The following OR10J1 variants were observed in gnomAD, a reference collection of about 807,000 sequenced individuals.
The protein encoded by OR10J1 is olfactory receptor 10J1.
For synonymous variants in OR10J1, 202 were observed against 143.8 expected, an observed-to-expected ratio of 1.40 and a Z score of -2.89; for missense variants, 474 against 376.6, an observed-to-expected ratio of 1.26 and a Z score of -2.14.
chr1:159,433,448 C>G (rs1157436409), upstream of OR10J1, among the ~76,000 whole-genome samples: 1 of 152,058 alleles, frequency 6.6e-6, no homozygotes, highest in Non-Finnish European at 1.5e-5. Context: ...GTATTGTAAA[C>G]CAGCAGGGAG....
In OR10J1 at chr1:159,440,115, C is replaced by T. The variant is rs747151990; in HGVS notation, c.324C>T (p.Gly108=). The T allele has an allele frequency of 1.9e-6, 3 of 1,614,146 alleles. No homozygotes were observed. In the South Asian group the frequency reaches 3.3e-5, roughly 18 times the overall value. ...AGATGTTCTTTTTTGTAACCTTTGG[C>T]ATCACTAACTGCTTCCTGCTCACAG... is the stretch of plus-strand genomic sequence containing the variant. ...ATQMFFFVTF[G]ITNCFLLTAM... Residue 108 remains glycine, a synonymous_variant, in exon 1 of 1, where the codon GGC becomes GGT. Transcript: ENST00000423932.
chr1:159,422,914 T>A, the OR10J1 span, among the ~76,000 whole-genome samples: 1 of 152,144 alleles, frequency 6.6e-6, no homozygotes, highest in Admixed American at 6.5e-5. Context: ...CTACATTGCT[T>A]CCCTCTCTTT....
the OR10J1 span, among the ~76,000 whole-genome samples, chr1:159,426,680 C>T: frequency 0.067 from 10,111 of 151,704 alleles, 728 homozygotes; most frequent in East Asian, 0.42. Context: ...ATCTAAAGCT[C>T]AAACCTTCAT....
the OR10J1 span, among the ~76,000 whole-genome samples, chr1:159,408,494 T>C: frequency 6.7e-6 from 1 of 150,070 alleles, no homozygotes. Flanking sequence ...AGGGATAGCA[T>C]TGGGAGATAT....
the OR10J1 span, among the ~76,000 whole-genome samples, chr1:159,423,060 A>T: frequency 6.6e-6 from 1 of 152,182 alleles, no homozygotes; most frequent in Admixed American, 6.5e-5. Context: ...CTAGTCAGCC[A>T]TCTTGAAGCC....
the OR10J1 span, among the ~76,000 whole-genome samples, chr1:159,400,634 A>T: frequency 6.6e-6 from 1 of 151,474 alleles, no homozygotes; most frequent in South Asian, 2.1e-4. Flanking sequence ...ATACTATTAG[A>T]GCTAAAGAAA....
chr1:159,417,867 A>G, the OR10J1 span, among the ~76,000 whole-genome samples: 7 of 152,214 alleles, frequency 4.6e-5, no homozygotes, highest in African/African-American at 1.7e-4. Context: ...GATATGGACA[A>G]TGAAATCCAG....
Position 159,440,155 on chromosome 1 carries a change from C to T in OR10J1, c.364C>T (p.Arg122Cys), listed in dbSNP as rs750870453. The change falls in exon 1 of 1, where the codon CGC (arginine) becomes TGC (cysteine). Residue 122 changes from arginine to cysteine, a missense_variant. Physicochemically the swap from Arg to Cys is radical, Grantham distance 180. Coordinates refer to ENST00000423932, the MANE Select transcript of OR10J1 (RefSeq NM_012351.3). ...CFLLTAMGYD[R>C]YVAICNPLRY... ...CCTGCTCACAGCAATGGGATATGACCGCTATGTGGCCATCTGCAACCCCCT... is the reference window on the plus strand; with the variant it reads ...CCTGCTCACAGCAATGGGATATGACTGCTATGTGGCCATCTGCAACCCCCT... 80 of 1,614,106 alleles carry T rather than the reference C, an allele frequency of 5.0e-5. No individual in the cohort carries two copies. The highest frequency in any genetic ancestry group is 2.5e-4 in the East Asian group (11 of 44,878).
At chr1:159,420,557 A>T in the OR10J1 span, among the ~76,000 whole-genome samples, 5 of 151,846 alleles carry the variant, frequency 3.3e-5, 1 homozygote, top group Non-Finnish European at 7.4e-5. Flanking sequence ...CAGGCATAGG[A>T]CTCCCATAGG....
chr1:159,440,684 A>G lies in OR10J1; in HGVS notation c.893A>G (p.Asp298Gly). ...VYTLRNKEVK[D>G]ALCRAVGGKF... The stretch of plus-strand genomic sequence containing the variant: ...ACCCTGAGAAATAAAGAGGTCAAAG[A>G]TGCTCTGTGCAGGGCTGTTGGTGGG... The change falls in exon 1 of 1, where the codon GAT becomes GGT. Residue 298 changes from aspartate to glycine, a missense_variant. Physicochemically the swap from Asp to Gly is moderately conservative, Grantham distance 94. Transcript: ENST00000423932. The G allele has an allele frequency of 6.2e-7, 1 of 1,613,978 alleles. No homozygotes were observed. Among genetic ancestry groups the G allele is most frequent in the Non-Finnish European group, 8.5e-7 (1 of 1,179,950 alleles).
chr1:159,430,672 C>CGCGT, the OR10J1 span, among the ~76,000 whole-genome samples: 4 of 15,814 alleles, frequency 2.5e-4, no homozygotes, highest in Admixed American at 3.1e-3. Context: ...TGTGTGTGCG[C>CGCGT]GCGCGCACAT....
At chr1:159,406,705 C>A in the OR10J1 span, among the ~76,000 whole-genome samples, 18 of 152,116 alleles carry the variant, frequency 1.2e-4, no homozygotes, top group Admixed American at 1.0e-3. Context: ...GTTGAATGGG[C>A]CAGGCACTTC....
chr1:159,437,193 T>C (rs116564481), upstream of OR10J1, among the ~76,000 whole-genome samples: 9 of 152,270 alleles, frequency 5.9e-5, no homozygotes, highest in Admixed American at 3.9e-4. Flanking sequence ...AAGAGAACAG[T>C]GTTCAAAAGC....
chr1:159,421,395 A>T, the OR10J1 span, among the ~76,000 whole-genome samples: 3 of 151,954 alleles, frequency 2.0e-5, no homozygotes, highest in African/African-American at 7.3e-5. Context: ...GGGATTTGGC[A>T]AATTTCTTTT....
chr1:159,409,737 G>A, the OR10J1 span, among the ~76,000 whole-genome samples: 6 of 152,060 alleles, frequency 3.9e-5, no homozygotes, highest in East Asian at 1.2e-3. Flanking sequence ...AAATTATATT[G>A]AATAGGAGTG....
chr1:159,436,727 C>CT (rs1159264461), upstream of OR10J1, among the ~76,000 whole-genome samples: 1 of 151,522 alleles, frequency 6.6e-6, no homozygotes, highest in Non-Finnish European at 1.5e-5. Flanking sequence ...ACTTTAGAGT[C>CT]TAAGAACAGG....
At chr1:159,411,633 G>C in the OR10J1 span, among the ~76,000 whole-genome samples, 145 of 152,212 alleles carry the variant, frequency 9.5e-4, 2 homozygotes, top group African/African-American at 2.2e-3. Context: ...GCACACTGAT[G>C]AGTCTTGACT....
the OR10J1 span, among the ~76,000 whole-genome samples, chr1:159,398,241 G>T: frequency 6.6e-6 from 1 of 152,322 alleles, no homozygotes; most frequent in African/African-American, 2.4e-5. Context: ...CAACACCCAA[G>T]TCCTTTCAAA....
chr1:159,436,428 C>T (rs572069974), upstream of OR10J1, among the ~76,000 whole-genome samples: 1 of 152,212 alleles, frequency 6.6e-6, no homozygotes, highest in African/African-American at 2.4e-5. Context: ...TCAAATGTCT[C>T]TCACATGTAT....
Sources: gnomAD v4.1 joint callset for allele counts (sites outside exome capture counted in the v4.1 genomes callset) on GRCh38, gnomAD v4.1.1 for gene constraint, MANE v1.5 for transcripts, NCBI Gene and HGNC (gene_info 2026-07-23, HGNC 2026-07-21) for gene names.